LRRC37A2: variants seen among roughly 807,000 people sequenced by gnomAD.
The protein encoded by LRRC37A2 is leucine rich repeat containing 37 member A2, also known as leucine-rich repeat-containing protein 37A2.
In LRRC37A2, 9 loss-of-function variants were observed where a neutral mutation model predicts 68.8. The ratio of observed to expected loss-of-function variants is 0.13; its 90% CI spans 0.08 to 0.23. The LOEUF (loss-of-function observed/expected upper bound fraction) is 0.23. Ranked by LOEUF, LRRC37A2 falls within the 10% of genes least tolerant of loss-of-function variation. The probability of loss-of-function intolerance (pLI) is 1.00; values close to 1 mark genes in which losing one functional copy is unlikely to be tolerated. For missense variants in LRRC37A2, 168 were observed against 950.4 expected (o/e 0.18, Z 10.82); for synonymous variants, 63 against 367.6 (o/e 0.17, Z 9.48).
intron 6 of LRRC37A2, among the ~76,000 whole-genome samples, chr17:46,528,455 T>C (rs2053101101): frequency 2.3e-5 from 1 of 44,202 alleles, no homozygotes; most frequent in Non-Finnish European, 4.3e-5. Flanking sequence ...GCATGGTGTC[T>C]CATGCTGTAA....
the LRRC37A2 span, chr17:46,851,788 AT>A: frequency 7.6e-6 from 6 of 791,648 alleles, no homozygotes; most frequent in African/African-American, 1.8e-5. This position sits in a 1 kb window ranked among gnomAD's most constrained non-coding sequence, Gnocchi z 4.3. Context: ...AGCTGGGCCA[AT>A]TTTTCCCTCC....
the LRRC37A2 span, chr17:46,486,983 A>G: frequency 1.6e-6 from 1 of 637,508 alleles, no homozygotes; most frequent in Non-Finnish European, 2.3e-6. Flanking sequence ...CTTAAATTGA[A>G]TATATTCTTA....
chr17:46,619,788 A>AC, the LRRC37A2 span, among the ~76,000 whole-genome samples: 87 of 88,128 alleles, frequency 9.9e-4, 3 homozygotes, highest in East Asian at 5.6e-4. Context: ...AAAAAAAAAA[A>AC]AAAAAAAACC....
At chr17:46,756,114 T>C in the LRRC37A2 span, 3 of 340,586 alleles carry the variant, frequency 8.8e-6, no homozygotes, top group African/African-American at 4.2e-5. Flanking sequence ...CATCCAGTAC[T>C]TGTGGACACT....
chr17:46,960,161 A>G, the LRRC37A2 span, among the ~76,000 whole-genome samples: 1 of 152,248 alleles, frequency 6.6e-6, no homozygotes, highest in African/African-American at 2.4e-5. Context: ...AAAGCTCAAC[A>G]ATAAGAAAAC....
the LRRC37A2 span, among the ~76,000 whole-genome samples, chr17:46,790,366 T>G: frequency 1.3e-5 from 2 of 152,136 alleles, no homozygotes; most frequent in African/African-American, 4.8e-5. Context: ...GTGGCCCTGC[T>G]GAGCTTAGAA....
the LRRC37A2 span, among the ~76,000 whole-genome samples, chr17:46,816,434 G>A: frequency 1.3e-4 from 19 of 144,064 alleles, no homozygotes; most frequent in African/African-American, 4.6e-4. Context: ...ACACACTGGT[G>A]TATAGAAAAC....
the LRRC37A2 span, among the ~76,000 whole-genome samples, chr17:46,836,117 T>TGTGTGTGTGTGTGTGTGTGTGTG: frequency 1.3e-5 from 2 of 151,440 alleles, no homozygotes; most frequent in African/African-American, 4.9e-5. Flanking sequence ...TGTGTGTGTG[T>TGTGTGTGTGTGTGTGTGTGTGTG]GTGTGTGTGT....
chr17:46,872,520 G>T, the LRRC37A2 span: 1 of 1,537,940 alleles, frequency 6.5e-7, no homozygotes, highest in South Asian at 1.3e-5. Flanking sequence ...TCTCTAGCCT[G>T]ACCGGGCGGG....
At chr17:46,834,718 G>A in the LRRC37A2 span, among the ~76,000 whole-genome samples, 4 of 152,144 alleles carry the variant, frequency 2.6e-5, no homozygotes, top group Middle Eastern at 3.4e-3. Flanking sequence ...GTTTTAACCT[G>A]GAAGGTTCCC....
the LRRC37A2 span, among the ~76,000 whole-genome samples, chr17:46,610,064 TTTCC>T: frequency 1.4e-4 from 19 of 135,960 alleles, no homozygotes; most frequent in East Asian, 3.7e-3. Flanking sequence ...TCTTTCTTTC[TTTCC>T]TTTCTTTCCT....
the LRRC37A2 span, among the ~76,000 whole-genome samples, chr17:46,790,558 C>T: frequency 6.6e-6 from 1 of 152,070 alleles, no homozygotes; most frequent in South Asian, 2.1e-4. Context: ...GGGTCCTCTG[C>T]CCTCCCCCTG....
the LRRC37A2 span, among the ~76,000 whole-genome samples, chr17:46,944,305 A>G: frequency 6.6e-6 from 1 of 152,262 alleles, no homozygotes; most frequent in Non-Finnish European, 1.5e-5. Flanking sequence ...CGCTGAGCCC[A>G]GGATGCAGAG....
chr17:46,949,981 A>G, the LRRC37A2 span, among the ~76,000 whole-genome samples: 1 of 152,226 alleles, frequency 6.6e-6, no homozygotes, highest in Non-Finnish European at 1.5e-5. Context: ...TGCACACAGT[A>G]GGCACTTCAT....
At chr17:46,788,755 G>A in the LRRC37A2 span, among the ~76,000 whole-genome samples, 29 of 150,304 alleles carry the variant, frequency 1.9e-4, no homozygotes, top group East Asian at 3.5e-3. Context: ...ACCTCCCTGC[G>A]AGGACCTCCC....
At chr17:47,013,372 T>C in the LRRC37A2 span, among the ~76,000 whole-genome samples, 315 of 152,372 alleles carry the variant, frequency 2.1e-3, 1 homozygote, top group African/African-American at 7.3e-3. Context: ...TCAATAAAGC[T>C]GTTACCAAAA....
chr17:46,942,719 G>T, the LRRC37A2 span, among the ~76,000 whole-genome samples: 1 of 152,246 alleles, frequency 6.6e-6, no homozygotes, highest in African/African-American at 2.4e-5. Flanking sequence ...GGGCGGCATA[G>T]CCCTATCTGT....
chr17:46,787,770 AT>A, the LRRC37A2 span, among the ~76,000 whole-genome samples: 1 of 152,212 alleles, frequency 6.6e-6, no homozygotes, highest in Non-Finnish European at 1.5e-5. Flanking sequence ...CCTGGCCAAC[AT>A]GGCGAAACGC....
the LRRC37A2 span, among the ~76,000 whole-genome samples, chr17:46,657,766 C>T: frequency 1.5e-5 from 1 of 68,646 alleles, no homozygotes; most frequent in Non-Finnish European, 2.7e-5. Flanking sequence ...TTATCTTACT[C>T]ATCTCCTGAA....
Sources: allele counts gnomAD v4.1 joint callset (sites outside exome capture counted in the v4.1 genomes callset), GRCh38; gene constraint gnomAD v4.1.1; non-coding constraint Gnocchi (gnomAD v3.1); transcripts MANE v1.5; gene names NCBI Gene and HGNC (gene_info 2026-07-23, HGNC 2026-07-21).